The following STXBP6 variants were observed in gnomAD, a reference collection of about 807,000 sequenced individuals.
The protein encoded by STXBP6 is syntaxin binding protein 6, also known as syntaxin-binding protein 6.
In STXBP6, 21 loss-of-function variants were observed where a neutral mutation model predicts 26.9. That is an observed-to-expected ratio of 0.78 (90% CI 0.55 to 1.12). The LOEUF is 1.12. Ranked by LOEUF, STXBP6 falls within the 50% of genes most tolerant of loss-of-function variation. The pLI is 0.00. For missense variants in STXBP6, 232 were observed against 257.9 expected (o/e 0.90, Z 0.69); for synonymous variants, 97 against 92.6 (o/e 1.05, Z -0.27).
At chr14:24,911,489 C>CAAAGAAAG (rs554787902) in intron 2 of STXBP6, among the ~76,000 whole-genome samples, 2 of 151,188 alleles carry the variant, frequency 1.3e-5, no homozygotes, top group South Asian at 4.2e-4. Context: ...GGAGGATGTC[C>CAAAGAAAG]AAAGAAAGAA....
chr14:24,869,128 T>C (rs2069832147), intron 2 of STXBP6, among the ~76,000 whole-genome samples: 1 of 152,240 alleles, frequency 6.6e-6, no homozygotes, highest in Non-Finnish European at 1.5e-5. Flanking sequence ...CATATCTCCA[T>C]TCCGATCACA....
intron 2 of STXBP6, among the ~76,000 whole-genome samples, chr14:24,871,411 C>T (rs1054168931): frequency 2.6e-5 from 4 of 152,224 alleles, no homozygotes; most frequent in Admixed American, 6.5e-5. Flanking sequence ...AAAGGTGTTG[C>T]GTGAAGTCTG....
chr14:24,981,106 C>G (rs1566532212), intron 1 of STXBP6, among the ~76,000 whole-genome samples: 1 of 152,172 alleles, frequency 6.6e-6, no homozygotes, highest in Non-Finnish European at 1.5e-5. Context: ...GTGTACATGG[C>G]AAATATTTTG....
chr14:25,036,914 T>C (rs2075565710), intron 1 of STXBP6, among the ~76,000 whole-genome samples: 1 of 151,788 alleles, frequency 6.6e-6, no homozygotes, highest in African/African-American at 2.4e-5. Flanking sequence ...TCAGATTTTA[T>C]GTAAGTATCC....
At chr14:25,041,111 A>G (rs1820353080) in intron 1 of STXBP6, among the ~76,000 whole-genome samples, 1 of 152,146 alleles carries the variant, frequency 6.6e-6, no homozygotes, top group Admixed American at 6.5e-5. Flanking sequence ...CACCTAGGTC[A>G]GGAGTTCGAG....
intron 2 of STXBP6, among the ~76,000 whole-genome samples, chr14:24,871,023 A>G (rs1191759977): frequency 6.6e-6 from 1 of 152,116 alleles, no homozygotes; most frequent in Non-Finnish European, 1.5e-5. Flanking sequence ...CCATATTCTT[A>G]AAGAGATCAG....
chr14:25,014,890 T>G (rs2075112944), intron 1 of STXBP6, among the ~76,000 whole-genome samples: 1 of 152,256 alleles, frequency 6.6e-6, no homozygotes, highest in Non-Finnish European at 1.5e-5. Flanking sequence ...AATTTGATTT[T>G]CTTTGCTTCT....
intron 4 of STXBP6, chr14:24,819,497 G>A (rs1594901963): frequency 3.7e-6 from 2 of 535,904 alleles, no homozygotes; most frequent in African/African-American, 3.8e-5. Flanking sequence ...AAAGGATGGG[G>A]CCTGTCTGGA....
At chr14:25,015,634 A>ATATG (rs2075131983) in intron 1 of STXBP6, among the ~76,000 whole-genome samples, 1 of 152,226 alleles carries the variant, frequency 6.6e-6, no homozygotes, top group Non-Finnish European at 1.5e-5. Context: ...AACTGAAAGA[A>ATATG]TATGTGCACC....
At chr14:25,012,910 T>C (rs1323683828) in intron 1 of STXBP6, among the ~76,000 whole-genome samples, 2 of 152,008 alleles carry the variant, frequency 1.3e-5, no homozygotes, top group African/African-American at 4.8e-5. Flanking sequence ...CGGCCAAAGA[T>C]GAGACAATTT....
At chr14:25,043,017 C>A (rs954838943) in intron 1 of STXBP6, among the ~76,000 whole-genome samples, 6 of 152,162 alleles carry the variant, frequency 3.9e-5, no homozygotes, top group Admixed American at 2.6e-4. Context: ...TAGAAGATGA[C>A]ACTAAAATGT....
At chr14:24,909,856 T>C (rs1595091451) in intron 2 of STXBP6, among the ~76,000 whole-genome samples, 1 of 151,682 alleles carries the variant, frequency 6.6e-6, no homozygotes, top group Admixed American at 6.6e-5. Flanking sequence ...AAATTTATCA[T>C]ACCTGGTAAG....
At chr14:24,816,333 T>A (rs1008588663) in intron 5 of STXBP6, 2 of 152,180 alleles carry the variant, frequency 1.3e-5, no homozygotes, top group Admixed American at 1.3e-4. Flanking sequence ...AAATGACAGC[T>A]TCATGGTCAG....
At chr14:24,913,851 A>G (rs2071662618) in intron 2 of STXBP6, among the ~76,000 whole-genome samples, 1 of 152,204 alleles carries the variant, frequency 6.6e-6, no homozygotes, top group Non-Finnish European at 1.5e-5. Context: ...AACAGGGGGA[A>G]ATATTGTCTC....
chr14:24,966,072 C>G (rs1413185136), intron 2 of STXBP6, among the ~76,000 whole-genome samples: 1 of 152,176 alleles, frequency 6.6e-6, no homozygotes, highest in Non-Finnish European at 1.5e-5. Flanking sequence ...AGTGAGTGAG[C>G]TGTAAAACTC....
At chr14:24,976,683 A>AT (rs1055542166) in intron 1 of STXBP6, among the ~76,000 whole-genome samples, 5 of 151,750 alleles carry the variant, frequency 3.3e-5, no homozygotes, top group South Asian at 2.1e-4. Flanking sequence ...ACTTTTATTT[A>AT]TTTTTTTTAA....
chr14:25,022,237 T>A (rs2075275031), intron 1 of STXBP6, among the ~76,000 whole-genome samples: 1 of 152,168 alleles, frequency 6.6e-6, no homozygotes, highest in South Asian at 2.1e-4. Context: ...TTAACTGGAT[T>A]CCACTTCTTT....
chr14:24,963,046 G>A (rs2073602770), intron 2 of STXBP6, among the ~76,000 whole-genome samples: 1 of 152,078 alleles, frequency 6.6e-6, no homozygotes, highest in Non-Finnish European at 1.5e-5. Flanking sequence ...TTATAAAACG[G>A]GAGAAGTATT....
At chr14:25,033,851 TAG>T (rs1418551381) in intron 1 of STXBP6, among the ~76,000 whole-genome samples, 2 of 152,208 alleles carry the variant, frequency 1.3e-5, no homozygotes, top group Non-Finnish European at 2.9e-5. Flanking sequence ...GTTACACACG[TAG>T]ACTCTTTTGC....
Sources: allele counts gnomAD v4.1 joint callset (sites outside exome capture counted in the v4.1 genomes callset), GRCh38; gene constraint gnomAD v4.1.1; transcripts MANE v1.5; gene names NCBI Gene and HGNC (gene_info 2026-07-23, HGNC 2026-07-21).